The following RAB9B variants were observed in gnomAD, a reference collection of about 807,000 sequenced individuals.
The protein encoded by RAB9B is ras-related protein Rab-9B.
RAB9B carries 1 observed loss-of-function variant against 8.9 expected under a neutral mutation model. The ratio of observed to expected loss-of-function variants is 0.11; its 90% confidence interval spans 0.04 to 0.53. The LOEUF is 0.53. Among genes scored for constraint, RAB9B ranks in the 20% least tolerant of loss-of-function variants. The pLI is 0.93. For missense variants in RAB9B, 82 were observed against 152.9 expected, an observed-to-expected ratio of 0.54 and a Z score of 2.45; for synonymous variants, 63 against 57.0, an observed-to-expected ratio of 1.10 and a Z score of -0.47.
At chrX:103,794,874 G>A in the RAB9B span, among the ~76,000 whole-genome samples, 1 of 111,924 alleles carries the variant, frequency 8.9e-6, no homozygotes, top group Non-Finnish European at 1.9e-5. Context: ...GTCCCACAAA[G>A]TTTGGTGTCT....
At chrX:103,829,405 A>G (rs772430902) in intron 1 of RAB9B, among the ~76,000 whole-genome samples, 1 of 112,100 alleles carries the variant, frequency 8.9e-6, no homozygotes, top group Admixed American at 9.4e-5. Context: ...TCCAACTCCC[A>G]TTTATTTTCT....
chrX:103,830,949 G>A (rs1262020718), intron 1 of RAB9B, among the ~76,000 whole-genome samples: 1 of 111,488 alleles, frequency 9.0e-6, no homozygotes, highest in Non-Finnish European at 1.9e-5. Context: ...CAGATTGCTC[G>A]GAGGCAAGTC....
rs901892855 is a variant in RAB9B, at chrX:103,824,360, T to C, written c.*819A>G. 1 of 112,512 alleles carries C rather than the reference T, an allele frequency of 8.9e-6. No individual in the cohort carries two copies. Among genetic ancestry groups the C allele is most frequent in the Middle Eastern group, 4.6e-3 (1 of 219 alleles). 9.3% of individuals were successfully genotyped at this position (112,512 alleles called of 1,213,427 possible). A position where few individuals can be genotyped will look rare whatever the true frequency, so the allele number is the denominator to read the frequency against. On this transcript the variant is annotated 3_prime_UTR_variant, in exon 3 of 3. Coordinates refer to ENST00000243298, the MANE Select transcript of RAB9B (RefSeq NM_016370.4). ...AGAGAGCACTGCATCCAAATTCATA[T>C]ACTAAGCAGCATTGCTAAATTGGTA... is the stretch of plus-strand genomic sequence containing the variant.
chrX:103,787,893 C>A, the RAB9B span: 75 of 1,207,164 alleles, frequency 6.2e-5, 2 homozygotes, highest in Admixed American at 5.7e-4. Context: ...CCTGGACCAC[C>A]TGCCAGTCTA....
the RAB9B span, chrX:103,790,668 C>G: frequency 1.3e-6 from 1 of 792,276 alleles, no homozygotes; most frequent in Non-Finnish European, 2.0e-6. Flanking sequence ...CTGCGTCTCC[C>G]ATCTTAACTC....
At chrX:103,777,452 C>G in the RAB9B span, among the ~76,000 whole-genome samples, 3 of 111,974 alleles carry the variant, frequency 2.7e-5, no homozygotes, top group Non-Finnish European at 5.6e-5. Context: ...TAATAGGAAG[C>G]TGGGGATCGG....
rs754752803 is a variant in RAB9B, at chrX:103,825,367, T to C, written c.418A>G (p.Thr140Ala). The change falls in exon 3 of 3, where the codon ACC (threonine) becomes GCC (alanine). Residue 140 changes from threonine (T) to alanine (A), a missense_variant. Coordinates refer to ENST00000243298, the MANE Select transcript of RAB9B (RefSeq NM_016370.4). ...DRQVTTEEAQ[T>A]WCMENGDYPY... is the part of the protein sequence containing the mutation. ...TAATCCCCATTCTCCATGCACCAGG[T>C]TTGTGCCTCCTCAGTAGTCACTTGC... The C allele has an allele frequency of 3.3e-6, 4 of 1,211,767 alleles. No homozygotes were observed. The highest frequency in any genetic ancestry group is 3.4e-6 in the Non-Finnish European group (3 of 895,354).
At chrX:103,788,813 C>T in the RAB9B span, 7 of 341,830 alleles carry the variant, frequency 2.0e-5, no homozygotes, top group African/African-American at 1.3e-4. Flanking sequence ...AATTTTCATT[C>T]CTTTAGTTAA....
chrX:103,798,478 T>C, the RAB9B span, among the ~76,000 whole-genome samples: 4 of 111,584 alleles, frequency 3.6e-5, no homozygotes, highest in South Asian at 1.5e-3. Flanking sequence ...AATAATAACT[T>C]ACAAAGATTC....
downstream of RAB9B, among the ~76,000 whole-genome samples, chrX:103,820,805 C>T (rs991691149): frequency 1.8e-4 from 20 of 110,479 alleles, no homozygotes; most frequent in African/African-American, 6.6e-4. Flanking sequence ...CAAAAATTAG[C>T]CAGGTGTGGT....
the RAB9B span, chrX:103,787,728 T>C: frequency 1.1e-6 from 1 of 916,714 alleles, no homozygotes; most frequent in African/African-American, 1.9e-5. Flanking sequence ...CACTCCAGGA[T>C]CTCCCAGTTT....
chrX:103,830,598 A>C (rs1334129487), intron 1 of RAB9B, among the ~76,000 whole-genome samples: 1 of 111,395 alleles, frequency 9.0e-6, no homozygotes, highest in Non-Finnish European at 1.9e-5. Flanking sequence ...CTCTAAGGAT[A>C]GTTTACTAAC....
the RAB9B span, chrX:103,776,747 A>G: frequency 2.8e-6 from 1 of 356,091 alleles, no homozygotes; most frequent in Non-Finnish European, 4.7e-6. Flanking sequence ...AGTATCCCTG[A>G]GTAGGTGGGG....
In RAB9B at chrX:103,827,075, G is replaced by A. The variant is rs1188027532; in HGVS notation, c.-113C>T. On this transcript the variant is annotated 5_prime_UTR_variant, in exon 2 of 3. Transcript: ENST00000243298. ...TTGTTGTTTTATTCTTTCTTTTTAG[G>A]GTGCTATAAAACAGAATAGAAAACA... 9.3e-6 allele frequency: 1 copy of A among 107,021 alleles called. No homozygotes were observed. The highest frequency in any genetic ancestry group is 1.9e-5 in the Non-Finnish European group (1 of 51,858). 8.8% of individuals were successfully genotyped at this position (107,021 alleles called of 1,213,427 possible).
chrX:103,802,726 T>G, the RAB9B span, among the ~76,000 whole-genome samples: 16 of 111,905 alleles, frequency 1.4e-4, no homozygotes, highest in African/African-American at 5.2e-4. Context: ...ATTAATAGTA[T>G]GCTCACAGAG....
At chrX:103,793,713 G>A in the RAB9B span, among the ~76,000 whole-genome samples, 1 of 110,913 alleles carries the variant, frequency 9.0e-6, no homozygotes, top group South Asian at 3.9e-4. Flanking sequence ...TCTATAGATG[G>A]AGTTTCTAGG....
the RAB9B span, among the ~76,000 whole-genome samples, chrX:103,784,878 G>T: frequency 5.3e-5 from 6 of 112,162 alleles, no homozygotes; most frequent in Non-Finnish European, 1.1e-4. Context: ...CCAGCATAAT[G>T]CTGGGCATAT....
the RAB9B span, among the ~76,000 whole-genome samples, chrX:103,811,363 C>A: frequency 8.9e-6 from 1 of 112,108 alleles, no homozygotes; most frequent in Non-Finnish European, 1.9e-5. Context: ...TGTCACTATG[C>A]AACATGCATG....
the RAB9B span, among the ~76,000 whole-genome samples, chrX:103,798,109 TA>T: frequency 5.4e-5 from 6 of 111,723 alleles, no homozygotes; most frequent in East Asian, 1.7e-3. Flanking sequence ...GTATACATAT[TA>T]AAATTTGAGC....
Sources: allele counts gnomAD v4.1 joint callset (sites outside exome capture counted in the v4.1 genomes callset), GRCh38; gene constraint gnomAD v4.1.1; transcripts MANE v1.5; gene names NCBI Gene and HGNC (gene_info 2026-07-23, HGNC 2026-07-21).